LGSN: variants seen among roughly 807,000 people sequenced by gnomAD.
LGSN encodes lengsin, lens protein with glutamine synthetase domain, also known as lengsin.
LGSN carries 21 observed loss-of-function variants against 19.5 expected under a neutral mutation model. The ratio of observed to expected loss-of-function variants is 1.07; its 90% CI spans 0.76 to 1.55. LGSN has a LOEUF of 1.55. Among genes scored for constraint, LGSN ranks in the 40% most tolerant of loss-of-function variants. LGSN has a pLI of 0.00. For missense variants in LGSN, 673 were observed against 608.5 expected (o/e 1.11, Z -1.12); for synonymous variants, 257 against 215.6 (o/e 1.19, Z -1.68).
At chr6:63,285,904 C>A in intron 2 of LGSN, 151 bp from the exon 3 acceptor site, 1 of 638,738 alleles carries the variant, frequency 1.6e-6, no homozygotes, top group Non-Finnish European at 2.7e-6. Context: ...TCTTACCTTT[C>A]TTATTCTGCC....
At chr6:63,550,875 C>T in the LGSN span, among the ~76,000 whole-genome samples, 1 of 152,166 alleles carries the variant, frequency 6.6e-6, no homozygotes, top group African/African-American at 2.4e-5. Flanking sequence ...ATCCGCCTGC[C>T]TCGGCCTCCC....
chr6:63,473,658 C>G, the LGSN span, among the ~76,000 whole-genome samples: 1 of 151,184 alleles, frequency 6.6e-6, no homozygotes, highest in Non-Finnish European at 1.5e-5. Context: ...TGTTACGAAA[C>G]AGATGAATAA....
At chr6:63,336,342 A>G in the LGSN span, among the ~76,000 whole-genome samples, 12 of 152,164 alleles carry the variant, frequency 7.9e-5, no homozygotes, top group Non-Finnish European at 1.8e-4. Flanking sequence ...AAAGATTCAC[A>G]TGTAGCCTAT....
chr6:63,570,062 C>T, the LGSN span, among the ~76,000 whole-genome samples: 4 of 152,218 alleles, frequency 2.6e-5, no homozygotes, highest in African/African-American at 7.2e-5. Context: ...AGCAAGACCA[C>T]ACTTATATCT....
chr6:63,514,984 A>G, the LGSN span, among the ~76,000 whole-genome samples: 2 of 151,994 alleles, frequency 1.3e-5, no homozygotes, highest in African/African-American at 4.8e-5. Context: ...AATTACAGGC[A>G]TGAGCCACTG....
the LGSN span, among the ~76,000 whole-genome samples, chr6:63,422,778 G>A: frequency 2.0e-5 from 3 of 151,938 alleles, no homozygotes; most frequent in East Asian, 5.8e-4. Flanking sequence ...CCCCCAGGAA[G>A]ACAGGGAAAA....
chr6:63,389,088 C>G, the LGSN span, among the ~76,000 whole-genome samples: 1 of 152,116 alleles, frequency 6.6e-6, no homozygotes, highest in African/African-American at 2.4e-5. Flanking sequence ...TCATTTAATC[C>G]TTATGGCCAC....
the LGSN span, among the ~76,000 whole-genome samples, chr6:63,449,976 T>C: frequency 6.6e-6 from 1 of 152,040 alleles, no homozygotes; most frequent in Non-Finnish European, 1.5e-5. Flanking sequence ...TATCTGAATG[T>C]GTGTGTGAGA....
chr6:63,383,212 C>T, the LGSN span, among the ~76,000 whole-genome samples: 11,960 of 152,096 alleles, frequency 0.079, 916 homozygotes, highest in African/African-American at 0.2. Context: ...ATTCTCCTTC[C>T]TCAGCCTCCC....
chr6:63,301,356 T>G (rs1768177321), intron 1 of LGSN, among the ~76,000 whole-genome samples: 1 of 152,122 alleles, frequency 6.6e-6, no homozygotes, highest in African/African-American at 2.4e-5. Flanking sequence ...GCAAGATTGT[T>G]TTTGATGAGA....
the LGSN span, among the ~76,000 whole-genome samples, chr6:63,456,349 A>ATG: frequency 1.7e-4 from 1 of 5,770 alleles, no homozygotes; most frequent in African/African-American, 6.1e-4. Context: ...TGGCAGAAAT[A>ATG]TACATATATA....
chr6:63,303,443 C>T (rs556719531), intron 1 of LGSN, among the ~76,000 whole-genome samples: 2 of 152,276 alleles, frequency 1.3e-5, no homozygotes, highest in South Asian at 4.1e-4. Context: ...TAAGGTGTTA[C>T]AGCTATAATA....
At chr6:63,420,492 A>T in the LGSN span, among the ~76,000 whole-genome samples, 3 of 152,332 alleles carry the variant, frequency 2.0e-5, no homozygotes, top group Middle Eastern at 0.01. Context: ...GGCTACTCTA[A>T]CACCTGTAAG....
chr6:63,480,940 GATATATATATATATATAT>G, the LGSN span, among the ~76,000 whole-genome samples: 175 of 59,890 alleles, frequency 2.9e-3, 3 homozygotes, highest in South Asian at 6.6e-3. Context: ...TAAAGAAAAT[GATATATATATATATATAT>G]ATATATATAT....
chr6:63,412,884 G>GAA, the LGSN span, among the ~76,000 whole-genome samples: 3 of 147,470 alleles, frequency 2.0e-5, no homozygotes, highest in African/African-American at 5.2e-5. Flanking sequence ...GAGAAAGAAA[G>GAA]AGGGAGAGAA....
intron 1 of LGSN, among the ~76,000 whole-genome samples, chr6:63,296,708 A>G (rs1325308813): frequency 1.3e-5 from 2 of 152,142 alleles, no homozygotes; most frequent in Admixed American, 1.3e-4. Flanking sequence ...CTGCAACTGA[A>G]TAAACAATTA....
At chr6:63,312,099 G>T (rs996176690) in intron 1 of LGSN, among the ~76,000 whole-genome samples, 3 of 152,152 alleles carry the variant, frequency 2.0e-5, no homozygotes, top group African/African-American at 4.8e-5. Flanking sequence ...CATAATGCCT[G>T]GGCTAAGCTA....
chr6:63,442,067 C>A, the LGSN span, among the ~76,000 whole-genome samples: 6 of 152,188 alleles, frequency 3.9e-5, no homozygotes, highest in Non-Finnish European at 5.9e-5. Context: ...AAGTGAGGCG[C>A]AGACCTTTGC....
the LGSN span, among the ~76,000 whole-genome samples, chr6:63,353,875 C>T: frequency 6.6e-6 from 1 of 151,862 alleles, no homozygotes; most frequent in Non-Finnish European, 1.5e-5. Flanking sequence ...TATAAAGTTG[C>T]CAAGAATATA....
Sources: gnomAD v4.1 joint callset for allele counts (sites outside exome capture counted in the v4.1 genomes callset) on GRCh38, gnomAD v4.1.1 for gene constraint, MANE v1.5 for transcripts, NCBI Gene and HGNC (gene_info 2026-07-23, HGNC 2026-07-21) for gene names.